ERC2: variants seen among roughly 807,000 people sequenced by gnomAD.
ERC2 encodes the protein ERC protein 2.
A neutral mutation model predicts 114.8 loss-of-function variants in ERC2; 42 were observed. That is an observed-to-expected ratio of 0.37 (90% confidence interval 0.29 to 0.47). The LOEUF is 0.47. ERC2 is among the 20% of genes least tolerant of loss of function. The pLI is 0.99. For synonymous variants in ERC2, 454 were observed against 425.5 expected (o/e 1.07, Z -0.82); for missense variants, 939 against 1,150.7 (o/e 0.82, Z 2.66).
At chr3:55,909,159 C>A (rs1312688078) in intron 13 of ERC2, among the ~76,000 whole-genome samples, 1 of 152,202 alleles carries the variant, frequency 6.6e-6, no homozygotes, top group East Asian at 1.9e-4. Context: ...CCTTCCATCT[C>A]GGCCCCTCTG....
intron 2 of ERC2, among the ~76,000 whole-genome samples, chr3:56,402,133 G>A (rs1491158): frequency 0.4 from 60,698 of 152,066 alleles, 12,584 homozygotes; most frequent in Admixed American, 0.52. Flanking sequence ...CCCTTGATAC[G>A]TAGGGATTAT....
chr3:56,291,904 C>T (rs936362659), intron 3 of ERC2, among the ~76,000 whole-genome samples: 2 of 151,506 alleles, frequency 1.3e-5, no homozygotes, highest in Non-Finnish European at 2.9e-5. Flanking sequence ...TAAACTTTGC[C>T]TTATAAAATA....
chr3:55,924,393 C>T (rs1427791871), intron 13 of ERC2, among the ~76,000 whole-genome samples: 3 of 152,032 alleles, frequency 2.0e-5, no homozygotes, highest in African/African-American at 4.8e-5. Context: ...AAACAAGTGG[C>T]GAGAGGGATC....
intron 17 of ERC2, among the ~76,000 whole-genome samples, chr3:55,653,578 T>A (rs984383455): frequency 2.2e-5 from 2 of 92,644 alleles, no homozygotes; most frequent in Admixed American, 1.1e-4. Flanking sequence ...TGTGTGTGTG[T>A]GTGTGTGTGT....
chr3:55,655,597 T>C (rs1396051950), intron 17 of ERC2, among the ~76,000 whole-genome samples: 1 of 152,232 alleles, frequency 6.6e-6, no homozygotes, highest in African/African-American at 2.4e-5. Context: ...TAACCAAGCC[T>C]CCCTGGCCCA....
chr3:56,218,439 G>C (rs1201544144), intron 3 of ERC2, among the ~76,000 whole-genome samples: 1 of 152,192 alleles, frequency 6.6e-6, no homozygotes, highest in African/African-American at 2.4e-5. Flanking sequence ...ACCACAATGA[G>C]ATACCATCTC....
At chr3:55,692,583 T>C (rs1417712319) in intron 16 of ERC2, among the ~76,000 whole-genome samples, 1 of 152,050 alleles carries the variant, frequency 6.6e-6, no homozygotes, top group Non-Finnish European at 1.5e-5. Context: ...AGGTAGGAGG[T>C]GAGAGAGCAA....
intron 14 of ERC2, among the ~76,000 whole-genome samples, chr3:55,795,354 C>A (rs913063997): frequency 3.9e-5 from 6 of 152,090 alleles, no homozygotes; most frequent in African/African-American, 1.4e-4. Context: ...GCTGGGGCAC[C>A]TTGCTTTGCC....
intron 4 of ERC2, among the ~76,000 whole-genome samples, chr3:56,150,078 T>C (rs1022310641): frequency 2.0e-5 from 3 of 152,168 alleles, no homozygotes; most frequent in African/African-American, 4.8e-5. Context: ...TTTCTCAGTG[T>C]CCCATCTGCC....
At position 56,434,819 on chromosome 3, in the gene ERC2, A is replaced by G; in HGVS notation, c.189T>C (p.Tyr63=). 1 of 1,613,900 alleles carries G rather than the reference A, an allele frequency of 6.2e-7. No individual in the cohort carries two copies. Among genetic ancestry groups the G allele is most frequent in the Non-Finnish European group, 8.5e-7 (1 of 1,179,888 alleles). ...AAGCCACCCCTTCATGATCACTCAG[A>G]TACATGGGTCCAGACGTAGCATAGG... ...NAAYATSGPM[Y]LSDHEGVAST... The change falls in exon 2 of 18, where the codon TAT becomes TAC. Residue 63 remains tyrosine (Y), a synonymous_variant. Coordinates refer to ENST00000288221, the MANE Select transcript of ERC2 (RefSeq NM_015576.3).
At chr3:56,103,784 T>TATCC (rs1553822620) in intron 6 of ERC2, among the ~76,000 whole-genome samples, 1 of 149,628 alleles carries the variant, frequency 6.7e-6, no homozygotes, top group Non-Finnish European at 1.5e-5. Context: ...TCTATCTATC[T>TATCC]ATCCATCCAA....
intron 7 of ERC2, among the ~76,000 whole-genome samples, chr3:56,032,909 A>AGAG (rs1560056192): frequency 1.4e-3 from 78 of 56,870 alleles, no homozygotes; most frequent in South Asian, 4.5e-3. Flanking sequence ...GACAGAAAGA[A>AGAG]AGAAAGAAAG....
At chr3:55,771,332 G>A (rs1371598915) in intron 14 of ERC2, among the ~76,000 whole-genome samples, 1 of 152,176 alleles carries the variant, frequency 6.6e-6, no homozygotes, top group Non-Finnish European at 1.5e-5. Context: ...TTACCTTAAA[G>A]ATAAAATGGA....
At chr3:56,175,735 T>C (rs567540805) in intron 3 of ERC2, among the ~76,000 whole-genome samples, 1 of 152,282 alleles carries the variant, frequency 6.6e-6, no homozygotes, top group East Asian at 1.9e-4. Context: ...AGCACCCCCA[T>C]TGTATGGTAT....
intron 2 of ERC2, among the ~76,000 whole-genome samples, chr3:56,362,165 G>A (rs1489671674): frequency 2.6e-5 from 4 of 152,202 alleles, no homozygotes; most frequent in Non-Finnish European, 5.9e-5. Context: ...CAAAGCCAGA[G>A]AGACGGAGGA....
At chr3:56,346,783 A>T (rs2058325909) in intron 2 of ERC2, among the ~76,000 whole-genome samples, 1 of 152,208 alleles carries the variant, frequency 6.6e-6, no homozygotes, top group Non-Finnish European at 1.5e-5. Flanking sequence ...ACCGTTCTGG[A>T]GACTGGGACG....
chr3:56,206,641 C>T (rs2048755674), intron 3 of ERC2, among the ~76,000 whole-genome samples: 1 of 152,116 alleles, frequency 6.6e-6, no homozygotes, highest in Non-Finnish European at 1.5e-5. Flanking sequence ...TTGCTGAATA[C>T]AAAAAATACT....
At chr3:56,263,363 A>C (rs1649474022) in intron 3 of ERC2, among the ~76,000 whole-genome samples, 1 of 151,462 alleles carries the variant, frequency 6.6e-6, no homozygotes, top group Admixed American at 6.6e-5. Flanking sequence ...GTGAAATTAA[A>C]AAAAAAAAAA....
intron 6 of ERC2, among the ~76,000 whole-genome samples, chr3:56,102,957 C>A (rs566342234): frequency 6.6e-5 from 10 of 152,124 alleles, no homozygotes; most frequent in Non-Finnish European, 1.5e-4. Context: ...TCTGAGGAAG[C>A]AAACAATGGT....
Sources: gnomAD v4.1 joint callset for allele counts (sites outside exome capture counted in the v4.1 genomes callset) on GRCh38, gnomAD v4.1.1 for gene constraint, MANE v1.5 for transcripts, NCBI Gene and HGNC (gene_info 2026-07-23, HGNC 2026-07-21) for gene names.